The following CADPS2 variants were observed in gnomAD, a reference collection of about 807,000 sequenced individuals.
CADPS2 encodes calcium dependent secretion activator 2.
Under a neutral mutation model 172.5 loss-of-function variants are expected in CADPS2, and 93 were observed. That is an observed-to-expected ratio of 0.54 (90% CI 0.46 to 0.64). The LOEUF (loss-of-function observed/expected upper bound fraction) is 0.64, where lower values mean the gene tolerates loss of function less well. Ranked by LOEUF, CADPS2 falls within the 30% of genes least tolerant of loss-of-function variation. CADPS2 has a pLI of 0.00. For missense variants in CADPS2, 1,420 were observed against 1,565.9 expected (o/e 0.91, Z 1.57); for synonymous variants, 546 against 555.2 (o/e 0.98, Z 0.23).
chr7:122,479,575 T>C (rs966983238), intron 12 of CADPS2, among the ~76,000 whole-genome samples: 1 of 152,220 alleles, frequency 6.6e-6, no homozygotes, highest in African/African-American at 2.4e-5. Context: ...CTTCTTTTGG[T>C]TAAATTGATT....
In CADPS2 at chr7:122,626,101, T is replaced by C. The variant is rs372957613; in HGVS notation, c.867+3147A>G. On this transcript the variant is annotated intron_variant, in intron 4 of 29. Transcript: ENST00000449022. ...TTAGTGGAGGATAAAGTCAGAGGGG[T>C]AAAAAAGACCAGATCACACAGGACT... 5.7e-4 allele frequency among the ~76,000 whole-genome samples: 86 copies of C among 152,146 alleles called. 1 individual carries two copies. Among genetic ancestry groups the C allele is most frequent in the African/African-American group, 2.0e-3 (84 of 41,526 alleles).
intron 9 of CADPS2, among the ~76,000 whole-genome samples, chr7:122,495,202 G>T (rs2058639312): frequency 6.6e-6 from 1 of 152,036 alleles, no homozygotes; most frequent in African/African-American, 2.4e-5. Context: ...ATTCGGCTTT[G>T]TTGAATGGTA....
intron 12 of CADPS2, among the ~76,000 whole-genome samples, 174 bp downstream of exon 12, chr7:122,480,678 T>G (rs1015417396): frequency 6.6e-6 from 1 of 152,202 alleles, no homozygotes; most frequent in African/African-American, 2.4e-5. Flanking sequence ...TTTCTACTTT[T>G]TTTGTTGCGA....
chr7:122,712,302 T>C (rs2088876206), intron 2 of CADPS2, among the ~76,000 whole-genome samples: 1 of 152,130 alleles, frequency 6.6e-6, no homozygotes, highest in Admixed American at 6.6e-5. Flanking sequence ...ATAACAAAGG[T>C]GCTTCTCTGG....
intron 2 of CADPS2, among the ~76,000 whole-genome samples, chr7:122,713,655 C>A (rs2089136454): frequency 6.6e-6 from 1 of 151,648 alleles, no homozygotes; most frequent in African/African-American, 2.4e-5. Context: ...TGATAAGTAT[C>A]ACTTTTCCAT....
chr7:122,857,532 A>G (rs1468393976), intron 1 of CADPS2, among the ~76,000 whole-genome samples: 1 of 152,200 alleles, frequency 6.6e-6, no homozygotes, highest in Middle Eastern at 3.2e-3. Context: ...TGCAATCAAG[A>G]TCAATAACCA....
chr7:122,862,017 C>A (rs1485134600), intron 1 of CADPS2, among the ~76,000 whole-genome samples: 1 of 152,190 alleles, frequency 6.6e-6, no homozygotes, highest in Non-Finnish European at 1.5e-5. Flanking sequence ...ATTTCTCACA[C>A]ACTATTTCCT....
chr7:122,718,034 T>C (rs2136973656), intron 2 of CADPS2, among the ~76,000 whole-genome samples: 1 of 118,148 alleles, frequency 8.5e-6, no homozygotes, highest in South Asian at 2.9e-4. Flanking sequence ...CTCTCTATAT[T>C]GCCCAGACTG....
At chr7:122,497,784 C>A (rs1461880209) in intron 9 of CADPS2, among the ~76,000 whole-genome samples, 1 of 152,150 alleles carries the variant, frequency 6.6e-6, no homozygotes, top group East Asian at 1.9e-4. Context: ...TTTGAAATAT[C>A]TGAATATTTG....
At chr7:122,695,133 A>G (rs894121883) in intron 2 of CADPS2, among the ~76,000 whole-genome samples, 1 of 152,212 alleles carries the variant, frequency 6.6e-6, no homozygotes, top group Non-Finnish European at 1.5e-5. Context: ...GGATATTATC[A>G]ATGTAGTGTG....
At chr7:122,714,956 C>G (rs1297352197) in intron 2 of CADPS2, among the ~76,000 whole-genome samples, 1 of 152,074 alleles carries the variant, frequency 6.6e-6, no homozygotes, top group Non-Finnish European at 1.5e-5. Flanking sequence ...AAACGTCATA[C>G]AGCTATAAGT....
At chr7:122,631,077 A>G (rs2076534738) in intron 3 of CADPS2, among the ~76,000 whole-genome samples, 1 of 152,172 alleles carries the variant, frequency 6.6e-6, no homozygotes, top group South Asian at 2.1e-4. Context: ...TTCCAGGTTA[A>G]CTGAAATCTC....
chr7:122,855,372 G>A (rs1049117446), intron 1 of CADPS2, among the ~76,000 whole-genome samples: 2 of 152,144 alleles, frequency 1.3e-5, no homozygotes, highest in Non-Finnish European at 2.9e-5. Context: ...ACAGAGAAAG[G>A]TTGAAAAATG....
chr7:122,819,011 C>A (rs904020715), intron 1 of CADPS2, among the ~76,000 whole-genome samples: 2 of 152,154 alleles, frequency 1.3e-5, no homozygotes, highest in African/African-American at 4.8e-5. Context: ...AGCCCTCAAA[C>A]CCCACAACAG....
chr7:122,630,115 C>A (rs1392868140), intron 3 of CADPS2, among the ~76,000 whole-genome samples: 1 of 152,080 alleles, frequency 6.6e-6, no homozygotes, highest in Non-Finnish European at 1.5e-5. Flanking sequence ...TTTCTCTTGA[C>A]TTTAGTTTTT....
At chr7:122,366,725 A>G (rs1303595613) in intron 25 of CADPS2, 2 of 149,692 alleles carry the variant, frequency 1.3e-5, no homozygotes, top group Admixed American at 6.7e-5. Context: ...ATACACACAT[A>G]TATGTATAAT....
chr7:122,413,759 G>A (rs1481979886), intron 19 of CADPS2, among the ~76,000 whole-genome samples: 1 of 152,156 alleles, frequency 6.6e-6, no homozygotes, highest in Non-Finnish European at 1.5e-5. Context: ...GAGAAAACGT[G>A]AGATTTTCTG....
chr7:122,702,658 G>A (rs778643396), intron 2 of CADPS2: 7 of 1,613,256 alleles, frequency 4.3e-6, no homozygotes, highest in African/African-American at 1.3e-5. Context: ...TTCCGTTTGA[G>A]TCAGGAAAGC....
intron 1 of CADPS2, among the ~76,000 whole-genome samples, chr7:122,843,990 G>C (rs1811280745): frequency 6.6e-6 from 1 of 152,224 alleles, no homozygotes; most frequent in African/African-American, 2.4e-5. Flanking sequence ...GGGATAACCA[G>C]CAGAGACAGG....
Sources: allele counts gnomAD v4.1 joint callset (sites outside exome capture counted in the v4.1 genomes callset), GRCh38; gene constraint gnomAD v4.1.1; transcripts MANE v1.5; gene names NCBI Gene and HGNC (gene_info 2026-07-23, HGNC 2026-07-21).